TNS3: variants seen among roughly 807,000 people sequenced by gnomAD.
TNS3 encodes tensin 3.
In TNS3, 45 loss-of-function variants were observed where a neutral mutation model predicts 140.9. The observed-to-expected ratio is 0.32, with a 90% CI of 0.25 to 0.41. The LOEUF (loss-of-function observed/expected upper bound fraction) is 0.41. TNS3 is among the 10% of genes least tolerant of loss of function. The pLI, the probability that TNS3 is intolerant of heterozygous loss-of-function variation, is 1.00. For synonymous variants in TNS3, 815 were observed against 788.4 expected, an observed-to-expected ratio of 1.03 and a Z score of -0.56; for missense variants, 1,716 against 1,906.7, an observed-to-expected ratio of 0.90 and a Z score of 1.86.
chr7:47,302,036 G>T, intron 23 of TNS3, 150 bp downstream of exon 23: 1 of 631,240 alleles, frequency 1.6e-6, no homozygotes, highest in Non-Finnish European at 2.8e-6. Context: ...TCCCCAGGAG[G>T]CATGGAATAA....
chr7:47,362,237 A>T (rs1790377069), intron 17 of TNS3, among the ~76,000 whole-genome samples: 1 of 152,114 alleles, frequency 6.6e-6, no homozygotes, highest in Non-Finnish European at 1.5e-5. Flanking sequence ...AACTCCCTGA[A>T]TCTCACCCAT....
rs576477239 is a variant in TNS3, at chr7:47,533,861, T to A, written c.-264-4714A>T. ...TGCCTTTCACCTTTCGAAATGATTG[T>A]GAGGCCTCCCCAGCACGTGGAACTG... On this transcript the variant is annotated intron_variant, in intron 1 of 30. Coordinates refer to ENST00000311160, the MANE Select transcript of TNS3 (RefSeq NM_022748.12). 4.6e-5 allele frequency among the ~76,000 whole-genome samples: 7 copies of A among 152,306 alleles called. No individual in the cohort carries two copies. The South Asian group carries it at 1.5e-3, about 32-fold the overall frequency.
At chr7:47,355,505 G>A (rs1442665642) in intron 17 of TNS3, among the ~76,000 whole-genome samples, 2 of 152,206 alleles carry the variant, frequency 1.3e-5, no homozygotes, top group African/African-American at 2.4e-5. Context: ...ACTGGGTGCT[G>A]TACTAAACAC....
chr7:47,470,623 A>G, intron 4 of TNS3: 1 of 985,430 alleles, frequency 1.0e-6, no homozygotes, highest in South Asian at 4.7e-5. Flanking sequence ...CCCAGCGCAG[A>G]GAAATGCAGC....
chr7:47,378,682 C>A (rs1270533085), intron 16 of TNS3, among the ~76,000 whole-genome samples: 1 of 152,150 alleles, frequency 6.6e-6, no homozygotes, highest in African/African-American at 2.4e-5. Flanking sequence ...GGTATGGATT[C>A]TCCTCTGCTT....
Position 47,396,306 on chromosome 7 carries a change from G to T in TNS3, c.1024+494C>A, listed in dbSNP as rs556721531. 4.6e-5 allele frequency among the ~76,000 whole-genome samples: 7 copies of T among 152,290 alleles called. No individual in the cohort carries two copies. In the South Asian group the frequency reaches 1.5e-3, roughly 32 times the overall value. On this transcript the variant is annotated intron_variant, in intron 16 of 30. Transcript: ENST00000311160. ...ACACAGGTGAACAGAGGACATGTTT[G>T]GGTGAGACGGTTTCACGAAAACAGA...
chr7:47,431,520 G>A (rs1368629350), intron 8 of TNS3, among the ~76,000 whole-genome samples: 3 of 152,170 alleles, frequency 2.0e-5, no homozygotes, highest in Non-Finnish European at 4.4e-5. Context: ...TTGAACCTGG[G>A]AGTTGGAGGT....
At chr7:47,526,807 A>T (rs1233318205) in intron 2 of TNS3, among the ~76,000 whole-genome samples, 1 of 152,076 alleles carries the variant, frequency 6.6e-6, no homozygotes, top group African/African-American at 2.4e-5. Context: ...CTCTCGGATC[A>T]ACACCAGGCC....
At position 47,550,280 on chromosome 7, in the gene TNS3, G is replaced by A. The variant is rs188931767; in HGVS notation, c.-264-21133C>T. 4.3e-3 allele frequency among the ~76,000 whole-genome samples: 661 copies of A among 152,272 alleles called. 1 individual carries two copies. The highest frequency in any genetic ancestry group is 6.5e-3 in the Non-Finnish European group (442 of 68,018). ...AGAAGGGAAATGGGAATAGAAACAC[G>A]GCCCCATGGTTCCATGGCCAGCAAT... is the stretch of plus-strand genomic sequence containing the variant. On this transcript the variant is annotated intron_variant, in intron 1 of 30. Transcript: ENST00000311160.
intron 2 of TNS3, among the ~76,000 whole-genome samples, chr7:47,521,090 G>A (rs116807678): frequency 1.8e-3 from 267 of 152,246 alleles, no homozygotes; most frequent in African/African-American, 6.1e-3. Context: ...GCAGTGCATC[G>A]CATCATAGTA....
chr7:47,488,590 T>C (rs891246841), intron 3 of TNS3, among the ~76,000 whole-genome samples: 1 of 152,236 alleles, frequency 6.6e-6, no homozygotes, highest in African/African-American at 2.4e-5. Flanking sequence ...CTAATGACCC[T>C]ATTTCAACCT....
chr7:47,457,132 GGAGGA>G (rs1796284464), intron 4 of TNS3, among the ~76,000 whole-genome samples: 1 of 32,300 alleles, frequency 3.1e-5, no homozygotes, highest in Non-Finnish European at 7.2e-5. Context: ...GGAGGGGAGG[GGAGGA>G]GGGGAGGGGA....
intron 20 of TNS3, among the ~76,000 whole-genome samples, chr7:47,332,610 G>GA (rs1242919306): frequency 4.6e-5 from 7 of 152,288 alleles, no homozygotes; most frequent in African/African-American, 1.7e-4. Flanking sequence ...ATGGGGCTCA[G>GA]AAAATGCTTG....
chr7:47,391,856 C>T (rs1423163589), intron 16 of TNS3, among the ~76,000 whole-genome samples: 4 of 152,126 alleles, frequency 2.6e-5, no homozygotes, highest in African/African-American at 4.8e-5. Flanking sequence ...GAGACTCAGC[C>T]CAGTCTCACT....
At chr7:47,501,093 G>C (rs1332748136) in intron 3 of TNS3, among the ~76,000 whole-genome samples, 1 of 145,620 alleles carries the variant, frequency 6.9e-6, no homozygotes, top group Non-Finnish European at 1.5e-5. Flanking sequence ...AACAGAAAGA[G>C]AGAAAGAGAG....
At chr7:47,477,131 C>T (rs1237149898) in intron 4 of TNS3, among the ~76,000 whole-genome samples, 2 of 152,204 alleles carry the variant, frequency 1.3e-5, no homozygotes, top group Non-Finnish European at 2.9e-5. Context: ...GACACCCTTA[C>T]AGTCCTGTCC....
intron 2 of TNS3, among the ~76,000 whole-genome samples, chr7:47,515,487 C>T (rs1798750982): frequency 6.6e-6 from 1 of 152,122 alleles, no homozygotes; most frequent in African/African-American, 2.4e-5. Flanking sequence ...CATTCATCAA[C>T]ATCGTCACCA....
chr7:47,392,315 T>G (rs1424831262), intron 16 of TNS3, among the ~76,000 whole-genome samples: 1 of 152,156 alleles, frequency 6.6e-6, no homozygotes, highest in Non-Finnish European at 1.5e-5. Flanking sequence ...GCCGGCTCCT[T>G]TCTGAGTATA....
intron 13 of TNS3, among the ~76,000 whole-genome samples, chr7:47,404,005 GCTTTAA>G (rs1423661464): frequency 1.3e-5 from 2 of 152,154 alleles, no homozygotes; most frequent in African/African-American, 4.8e-5. Flanking sequence ...CATCCCTCCG[GCTTTAA>G]CTTTATTTAC....
Sources: allele counts gnomAD v4.1 joint callset (sites outside exome capture counted in the v4.1 genomes callset), GRCh38; gene constraint gnomAD v4.1.1; transcripts MANE v1.5; gene names NCBI Gene and HGNC (gene_info 2026-07-23, HGNC 2026-07-21).